Variants in CNOT10 observed in about 807,000 individuals in gnomAD.
CNOT10 encodes the protein CCR4-NOT transcription complex subunit 10.
Under a neutral mutation model 94.6 loss-of-function variants are expected in CNOT10, and 30 were observed. The observed-to-expected ratio is 0.32, with a 90% CI of 0.24 to 0.43. The LOEUF is 0.43. Among genes scored for constraint, CNOT10 ranks in the 20% least tolerant of loss-of-function variants. The probability of loss-of-function intolerance (pLI) is 1.00; values close to 1 mark genes in which losing one functional copy is unlikely to be tolerated. For missense variants in CNOT10, 759 were observed against 877.2 expected, an observed-to-expected ratio of 0.87 and a Z score of 1.70; for synonymous variants, 289 against 301.6, an observed-to-expected ratio of 0.96 and a Z score of 0.43.
rs750155347 is a variant in CNOT10, at chr3:32,716,326, A to T, written c.660+15A>T. 1 of 1,295,294 alleles carries T rather than the reference A, an allele frequency of 7.7e-7. No homozygotes were observed. Among genetic ancestry groups the T allele is most frequent in the Admixed American group, 1.8e-5 (1 of 54,118 alleles). The allele number at this position is 1,295,294 out of a possible 1,614,324, so 80.2% of individuals were successfully genotyped here. ...AGATACATCAGGTAGTATAAATTTT[A>T]AAGGGGGGCAATACATCACATATAT... On this transcript the variant is annotated intron_variant, in intron 6 of 18. Coordinates refer to ENST00000328834, the MANE Select transcript of CNOT10 (RefSeq NM_015442.3).
chr3:32,730,390 T>C (rs184840721), intron 10 of CNOT10, among the ~76,000 whole-genome samples: 15 of 152,194 alleles, frequency 9.9e-5, no homozygotes, highest in Admixed American at 8.5e-4. Flanking sequence ...TGTTTTTTTT[T>C]CTAGAAAAGT....
rs528027493 is a variant in CNOT10, at chr3:32,735,044, T to A, written c.1514+68T>A. On this transcript the variant is annotated intron_variant, in intron 12 of 18. Coordinates refer to ENST00000328834, the MANE Select transcript of CNOT10 (RefSeq NM_015442.3). ...GACTTCTTTAGTAAACCCTTTGTTCTTTAAGTAAATTCCTAAAATCTTCAA... is the reference window on the plus strand; with the variant it reads ...GACTTCTTTAGTAAACCCTTTGTTCATTAAGTAAATTCCTAAAATCTTCAA... 2.6e-5 allele frequency: 33 copies of A among 1,293,364 alleles called. No individual in the cohort carries two copies. In the African/African-American group the frequency reaches 4.3e-4, roughly 17 times the overall value. The allele number at this position is 1,293,364 out of a possible 1,614,324, so 80.1% of individuals were successfully genotyped here.
At chr3:32,773,312 T>G in intron 18 of CNOT10, 145 bp from the exon 19 acceptor site, 3 of 778,540 alleles carry the variant, frequency 3.9e-6, no homozygotes, top group Non-Finnish European at 4.1e-6. Context: ...GATGGAGGCT[T>G]TATGGGATTC....
At chr3:32,732,703 A>G (rs1356554733) in intron 10 of CNOT10, among the ~76,000 whole-genome samples, 1 of 152,152 alleles carries the variant, frequency 6.6e-6, no homozygotes, top group African/African-American at 2.4e-5. Flanking sequence ...AGCTTCCCAA[A>G]GGGCTGGGAT....
chr3:32,687,439 GTTTTTTTTTTTTGTT>G (rs1483313816), intron 1 of CNOT10, among the ~76,000 whole-genome samples: 2 of 51,320 alleles, frequency 3.9e-5, no homozygotes, highest in Non-Finnish European at 6.8e-5. Context: ...AGTCCTCACG[GTTTTTTTTTTTTGTT>G]TTTTTTTTTT....
intron 1 of CNOT10, chr3:32,695,756 T>C: frequency 1.3e-6 from 2 of 1,536,014 alleles, no homozygotes; most frequent in Non-Finnish European, 8.7e-7. Context: ...TCGTATACTC[T>C]TTCAATTGGC....
intron 15 of CNOT10, among the ~76,000 whole-genome samples, chr3:32,763,380 G>A (rs182050084): frequency 1.6e-4 from 25 of 152,294 alleles, no homozygotes; most frequent in Admixed American, 4.6e-4. Context: ...GTCGGGTGCG[G>A]TGGCTCACAC....
At chr3:32,716,723 C>G (rs1698140157) in intron 6 of CNOT10, among the ~76,000 whole-genome samples, 1 of 152,176 alleles carries the variant, frequency 6.6e-6, no homozygotes, top group Non-Finnish European at 1.5e-5. Flanking sequence ...TCTCGGCTCG[C>G]TGCAACCTCT....
At chr3:32,755,052 G>T (rs545007419) in intron 13 of CNOT10, among the ~76,000 whole-genome samples, 3 of 151,464 alleles carry the variant, frequency 2.0e-5, no homozygotes, top group East Asian at 2.0e-4. Context: ...TTCGAGACCA[G>T]CCTGGCCAAT....
chr3:32,755,634 A>G (rs748955945), intron 13 of CNOT10, among the ~76,000 whole-genome samples: 1 of 151,884 alleles, frequency 6.6e-6, no homozygotes, highest in Admixed American at 6.6e-5. Context: ...ACTATTTCAG[A>G]TATTTGGTTT....
In CNOT10 at chr3:32,708,742, G is replaced by A. The variant is rs778994977; in HGVS notation, c.352G>A (p.Val118Ile). The A allele has an allele frequency of 5.0e-6, 8 of 1,613,392 alleles. No homozygotes were observed. In the East Asian group the frequency reaches 1.3e-4, roughly 27 times the overall value. ...CAGCATGTTGTACTATAATCAAGCA[G>A]TCATTCTTTATCATCTGCGGCAGTA... ...ENSMLYYNQA[V>I]ILYHLRQYTE... The change falls in exon 4 of 19, where the codon GTC becomes ATC. Residue 118 changes from valine to isoleucine, a missense_variant. Val to Ile is a conservative substitution (Grantham distance 29). Around this residue, in one of 3 missense-constraint regions of CNOT10, gnomAD observed 682 missense variants for 799.4 expected, o/e 0.85. Transcript: ENST00000328834.
intron 12 of CNOT10, among the ~76,000 whole-genome samples, chr3:32,736,300 T>C (rs1024990415): frequency 5.3e-5 from 8 of 152,250 alleles, no homozygotes; most frequent in Admixed American, 5.2e-4. Context: ...TTGTCCAGGA[T>C]GGTCTTGAAC....
At chr3:32,753,270 G>A in intron 13 of CNOT10, 2 of 832,280 alleles carry the variant, frequency 2.4e-6, no homozygotes, top group Admixed American at 3.5e-5. Flanking sequence ...ATTAAAAGAT[G>A]TCAAGAAGCT....
chr3:32,685,961 C>T (rs546572045), intron 1 of CNOT10, among the ~76,000 whole-genome samples: 2 of 152,030 alleles, frequency 1.3e-5, no homozygotes, highest in South Asian at 4.2e-4. Flanking sequence ...TTGATAGAGA[C>T]GGGCGGGGGT....
Position 32,699,683 on chromosome 3 carries a change from C to T in CNOT10, c.23-4185C>T, listed in dbSNP as rs543796700. Among the ~76,000 whole-genome samples the T allele has an allele frequency of 1.6e-4, 24 of 152,256 alleles. No homozygotes were observed. In the South Asian group the frequency reaches 4.1e-3, roughly 26 times the overall value. ...GGTGCGAAAGTGGAGGCTACTATGA[C>T]AGATGCAACTCTAGGGCACCATACT... On this transcript the variant is annotated intron_variant, in intron 1 of 18. Transcript: ENST00000328834.
At chr3:32,724,434 A>G (rs1463538865) in intron 8 of CNOT10, among the ~76,000 whole-genome samples, 1 of 138,772 alleles carries the variant, frequency 7.2e-6, no homozygotes, top group Non-Finnish European at 1.6e-5. Context: ...TTTTTTTGAG[A>G]CGGAGTCTTG....
At chr3:32,722,509 A>G (rs764901973) in intron 8 of CNOT10, among the ~76,000 whole-genome samples, 1 of 152,194 alleles carries the variant, frequency 6.6e-6, no homozygotes, top group Non-Finnish European at 1.5e-5. Flanking sequence ...CAGTATTGAC[A>G]TTGTCAATCT....
intron 1 of CNOT10, among the ~76,000 whole-genome samples, 189 bp downstream of exon 1, chr3:32,685,671 T>C (rs1404810846): frequency 3.3e-5 from 5 of 152,132 alleles, no homozygotes; most frequent in Admixed American, 3.3e-4. Flanking sequence ...CCAATAGTTG[T>C]TTTACTCAAG....
At position 32,737,423 on chromosome 3, in the gene CNOT10, G is replaced by C; in HGVS notation, c.1528G>C (p.Asp510His). Residue 510 changes from aspartate to histidine, a missense_variant, in exon 13 of 19, where the codon GAT (aspartate) becomes CAT (histidine). By Grantham distance (81) the Asp-to-His change is moderately conservative. Coordinates refer to ENST00000328834, the MANE Select transcript of CNOT10 (RefSeq NM_015442.3). ...CCTCTATTTTAGCAGTAAAAGCCAT[G>C]ATGGAGATAAATTCATTCCAGCTCC... ...SSETCSSKSHDGDKFIPAPPS... is the reference protein window; with the variant it reads ...SSETCSSKSHHGDKFIPAPPS... The C allele has an allele frequency of 6.2e-7, 1 of 1,608,056 alleles. No homozygotes were observed. The highest frequency in any genetic ancestry group is 8.5e-7 in the Non-Finnish European group (1 of 1,175,014).
Sources: allele counts gnomAD v4.1 joint callset (sites outside exome capture counted in the v4.1 genomes callset), GRCh38; gene constraint gnomAD v4.1.1; regional missense constraint gnomAD v4.1.1; transcripts MANE v1.5; gene names NCBI Gene and HGNC (gene_info 2026-07-23, HGNC 2026-07-21).